Variants in ALCAM observed in about 807,000 individuals in gnomAD.
ALCAM encodes the protein CD166 antigen.
A neutral mutation model predicts 70.9 loss-of-function variants in ALCAM; 30 were observed. The observed-to-expected ratio is 0.42, with a 90% CI of 0.32 to 0.57. The LOEUF (loss-of-function observed/expected upper bound fraction) is 0.57. Ranked by LOEUF, ALCAM falls within the 20% of genes least tolerant of loss-of-function variation. ALCAM has a pLI of 0.11. For synonymous variants in ALCAM, 249 were observed against 242.5 expected (o/e 1.03, Z -0.25); for missense variants, 591 against 695.1 (o/e 0.85, Z 1.68).
intron 1 of ALCAM, among the ~76,000 whole-genome samples, chr3:105,433,120 C>G (rs1268846811): frequency 6.6e-6 from 1 of 152,072 alleles, no homozygotes; most frequent in Admixed American, 6.6e-5. Context: ...TTGCTTATGG[C>G]TATAATAATC....
chr3:105,370,924 T>A (rs1935211752), intron 1 of ALCAM, among the ~76,000 whole-genome samples: 1 of 152,194 alleles, frequency 6.6e-6, no homozygotes, highest in Non-Finnish European at 1.5e-5. Context: ...TAAATATTCA[T>A]ATGACAAAGC....
chr3:105,508,355 T>A (rs1374793859), intron 1 of ALCAM, among the ~76,000 whole-genome samples: 3 of 152,200 alleles, frequency 2.0e-5, no homozygotes, highest in African/African-American at 7.2e-5. Flanking sequence ...TCTATCTCCA[T>A]CACATACTGG....
chr3:105,501,940 T>C (rs768078408), intron 1 of ALCAM, among the ~76,000 whole-genome samples: 14 of 152,362 alleles, frequency 9.2e-5, no homozygotes, highest in Non-Finnish European at 1.5e-4. Context: ...TGAAAACACT[T>C]ATCAATTGAT....
intron 1 of ALCAM, among the ~76,000 whole-genome samples, chr3:105,466,029 A>T (rs1291866530): frequency 6.6e-6 from 1 of 151,482 alleles, no homozygotes. Flanking sequence ...TTCATCTTTT[A>T]TTGAAAGCAG....
intron 1 of ALCAM, among the ~76,000 whole-genome samples, chr3:105,377,645 A>G (rs551889109): frequency 6.6e-6 from 1 of 152,188 alleles, no homozygotes; most frequent in African/African-American, 2.4e-5. Context: ...TTTATTATAC[A>G]TGAGATTGGG....
chr3:105,424,410 C>G (rs941140129), intron 1 of ALCAM, among the ~76,000 whole-genome samples: 1 of 151,544 alleles, frequency 6.6e-6, no homozygotes, highest in Non-Finnish European at 1.5e-5. Flanking sequence ...ATGTTCTTTC[C>G]ATTACATTGA....
chr3:105,548,455 A>G (rs1940307704), intron 11 of ALCAM, among the ~76,000 whole-genome samples: 1 of 151,472 alleles, frequency 6.6e-6, no homozygotes, highest in Non-Finnish European at 1.5e-5. Flanking sequence ...ATTTGAGAAG[A>G]CATATATAAA....
At chr3:105,526,224 T>G (rs935278101) in intron 3 of ALCAM, among the ~76,000 whole-genome samples, 1 of 151,638 alleles carries the variant, frequency 6.6e-6, no homozygotes, top group African/African-American at 2.4e-5. Flanking sequence ...TACAAGGGAG[T>G]TGAGAAAATT....
chr3:105,367,632 C>A, intron 1 of ALCAM, 151 bp downstream of exon 1: 1 of 863,770 alleles, frequency 1.2e-6, no homozygotes, highest in Admixed American at 2.7e-5. Flanking sequence ...TGTCCCCGGG[C>A]TCGGTCACCT....
intron 1 of ALCAM, among the ~76,000 whole-genome samples, chr3:105,453,556 G>T (rs1021073803): frequency 6.6e-6 from 1 of 151,970 alleles, no homozygotes. Flanking sequence ...GGCTATATGG[G>T]GTCTTTTTTG....
At position 105,381,940 on chromosome 3, in the gene ALCAM, T is replaced by TTTATTA. The variant is rs921175198; in HGVS notation, c.73+14470_73+14475dup. On this transcript the variant is annotated intron_variant, in intron 1 of 15. Transcript: ENST00000306107. The stretch of plus-strand genomic sequence containing the variant: ...TTATTTTTTTATTTATTTTTTCTTT[T>TTTATTA]TTATTATTATTATTATACTTTAAGT... Among the ~76,000 whole-genome samples the TTTATTA allele has an allele frequency of 1.3e-5, 2 of 151,286 alleles. 1 individual carries two copies. Among genetic ancestry groups the TTTATTA allele is most frequent in the South Asian group, 4.1e-4 (2 of 4,822 alleles).
chr3:105,515,461 T>G (rs936946440), intron 1 of ALCAM, among the ~76,000 whole-genome samples: 2 of 152,072 alleles, frequency 1.3e-5, no homozygotes, highest in African/African-American at 4.8e-5. Flanking sequence ...CAAAAATTCC[T>G]TTATTGGAAA....
At chr3:105,402,581 T>C (rs1457800490) in intron 1 of ALCAM, among the ~76,000 whole-genome samples, 5 of 152,158 alleles carry the variant, frequency 3.3e-5, no homozygotes, top group Non-Finnish European at 5.9e-5. Context: ...GTGTGCAGGC[T>C]GCATGGGAGC....
chr3:105,409,969 C>T (rs1289224850), intron 1 of ALCAM, among the ~76,000 whole-genome samples: 1 of 152,114 alleles, frequency 6.6e-6, no homozygotes, highest in African/African-American at 2.4e-5. Flanking sequence ...TTTGTTACAA[C>T]TGATGACCCC....
intron 1 of ALCAM, among the ~76,000 whole-genome samples, chr3:105,489,414 AG>A (rs1938523167): frequency 6.6e-6 from 1 of 152,192 alleles, no homozygotes; most frequent in Non-Finnish European, 1.5e-5. Context: ...TTCAGTCAAA[AG>A]TCAGACTTTT....
intron 4 of ALCAM, among the ~76,000 whole-genome samples, chr3:105,532,506 T>C (rs1939864065): frequency 6.6e-6 from 1 of 152,062 alleles, no homozygotes; most frequent in African/African-American, 2.4e-5. Flanking sequence ...GGTAGGCTGA[T>C]GCTTGGTAAG....
In ALCAM at chr3:105,550,267, T is replaced by C. The variant is rs1490111948; in HGVS notation, c.1507+8T>C. 1.3e-6 allele frequency: 2 copies of C among 1,578,662 alleles called. No homozygotes were observed. The highest frequency in any genetic ancestry group is 1.7e-6 in the Non-Finnish European group (2 of 1,167,298). On this transcript the variant is annotated splice_region_variant and intron_variant, in intron 12 of 15. Coordinates refer to ENST00000306107, the MANE Select transcript of ALCAM (RefSeq NM_001627.4). ...CCTTGAATGTCTCTGCTAGTGAGTA[T>C]TTTATTTCTGGCATTACAAAAGTAA...
At chr3:105,548,394 C>A (rs540631290) in intron 11 of ALCAM, among the ~76,000 whole-genome samples, 1 of 151,416 alleles carries the variant, frequency 6.6e-6, no homozygotes, top group East Asian at 2.0e-4. Flanking sequence ...CCCAGAGGTA[C>A]CACTGGATTA....
intron 1 of ALCAM, among the ~76,000 whole-genome samples, chr3:105,469,731 A>G (rs1937866532): frequency 6.6e-6 from 1 of 151,114 alleles, no homozygotes; most frequent in Non-Finnish European, 1.5e-5. Flanking sequence ...CTCCACTCCA[A>G]ACTTTTTAAC....
Sources: gnomAD v4.1 joint callset for allele counts (sites outside exome capture counted in the v4.1 genomes callset) on GRCh38, gnomAD v4.1.1 for gene constraint, MANE v1.5 for transcripts, NCBI Gene and HGNC (gene_info 2026-07-23, HGNC 2026-07-21) for gene names.